CCDC82: variants seen among roughly 807,000 people sequenced by gnomAD.
CCDC82 encodes the protein coiled-coil domain containing 82, also known as coiled-coil domain-containing protein 82.
CCDC82 carries 47 observed loss-of-function variants against 60.6 expected under a neutral mutation model. The ratio of observed to expected loss-of-function variants is 0.77; its 90% CI spans 0.61 to 0.99. The LOEUF (loss-of-function observed/expected upper bound fraction) is 0.99, where lower values mean the gene tolerates loss of function less well. CCDC82 is among the 50% of genes least tolerant of loss of function. The pLI is 0.00. For synonymous variants in CCDC82, 212 were observed against 207.4 expected (o/e 1.02, Z -0.19); for missense variants, 588 against 633.0 (o/e 0.93, Z 0.76).
chr11:96,370,731 TAAC>T (rs998804135), intron 7 of CCDC82, among the ~76,000 whole-genome samples: 3 of 152,300 alleles, frequency 2.0e-5, no homozygotes, highest in Admixed American at 2.0e-4. Flanking sequence ...TTTTCTGACA[TAAC>T]AACACCGTGT....
intron 6 of CCDC82, among the ~76,000 whole-genome samples, chr11:96,372,391 T>C (rs1370263212): frequency 1.3e-5 from 2 of 151,964 alleles, no homozygotes; most frequent in Non-Finnish European, 2.9e-5. Context: ...TACTCATTTA[T>C]TGTCTGTCTC....
chr11:96,364,919 G>C (rs1378530416), intron 8 of CCDC82, 61 bp downstream of exon 8: 22 of 1,459,082 alleles, frequency 1.5e-5, no homozygotes, highest in Non-Finnish European at 2.0e-5. Flanking sequence ...GGATACTTAG[G>C]ATTATTTATG....
intron 7 of CCDC82, among the ~76,000 whole-genome samples, chr11:96,367,325 T>C (rs1286883030): frequency 6.6e-6 from 1 of 152,262 alleles, no homozygotes; most frequent in African/African-American, 2.4e-5. Flanking sequence ...ATAGAACTTA[T>C]TTCAAAATTG....
chr11:96,375,280 TAG>T (rs1276795205), intron 5 of CCDC82, among the ~76,000 whole-genome samples: 2 of 152,194 alleles, frequency 1.3e-5, no homozygotes, highest in African/African-American at 4.8e-5. Flanking sequence ...TCATTTGCTA[TAG>T]AGTCTTGAGA....
intron 1 of CCDC82, 139 bp downstream of exon 1, chr11:96,389,705 C>G (rs1227815382): frequency 1.3e-5 from 2 of 152,418 alleles, no homozygotes; most frequent in African/African-American, 2.4e-5. Context: ...TCCGGCCCAC[C>G]CAAAGAGCGC....
At chr11:96,358,115 AT>A (rs1405981749) in intron 9 of CCDC82, 1 of 985,520 alleles carries the variant, frequency 1.0e-6, no homozygotes, top group Non-Finnish European at 1.2e-6. Flanking sequence ...TATTTTTTAT[AT>A]TCCTCTTTTA....
At chr11:96,385,273 T>A (rs773758975) in intron 3 of CCDC82, 1 of 152,494 alleles carries the variant, frequency 6.6e-6, no homozygotes, top group Non-Finnish European at 1.5e-5. Flanking sequence ...GCAAGTAATA[T>A]GGTAAGGGCA....
chr11:96,382,368 T>C lies in CCDC82; in HGVS notation c.991+901A>G, dbSNP rs142989424. On this transcript the variant is annotated intron_variant, in intron 5 of 9. Coordinates refer to ENST00000646818, the MANE Select transcript of CCDC82 (RefSeq NM_024725.4). ...AGCAGAAATTAGAATTTTGAAAAACTTGTATGTGCTATTCTGAGCCTGACG... is the reference window on the plus strand; with the variant it reads ...AGCAGAAATTAGAATTTTGAAAAACCTGTATGTGCTATTCTGAGCCTGACG... 372 of 151,926 alleles carry C rather than the reference T, an allele frequency of 2.4e-3. 1 individual carries two copies. Among genetic ancestry groups the C allele is most frequent in the African/African-American group, 8.5e-3 (353 of 41,524 alleles). The allele number at this position is 151,926 out of a possible 1,614,324, so 9.4% of individuals were successfully genotyped here.
intron 7 of CCDC82, among the ~76,000 whole-genome samples, chr11:96,368,565 T>C (rs1488122823): frequency 1.3e-5 from 2 of 152,102 alleles, no homozygotes; most frequent in Non-Finnish European, 2.9e-5. Context: ...TCTTTTTAGC[T>C]ATAAAAGTCC....
intron 9 of CCDC82, chr11:96,355,132 C>T (rs1864280122): frequency 6.6e-6 from 1 of 152,090 alleles, no homozygotes; most frequent in Non-Finnish European, 1.5e-5. Context: ...GGATTAGAAA[C>T]CTATACTTTA....
intron 7 of CCDC82, among the ~76,000 whole-genome samples, chr11:96,368,676 A>C (rs7931051): frequency 0.71 from 107,453 of 151,866 alleles, 38,262 homozygotes; most frequent in African/African-American, 0.8. Flanking sequence ...ACCATCCTGG[A>C]TAAGATGGCG....
chr11:96,358,276 T>C, intron 9 of CCDC82: 7 of 1,113,404 alleles, frequency 6.3e-6, no homozygotes, highest in Non-Finnish European at 6.6e-6. Context: ...TTTAGAAGAC[T>C]GCAGTCGTAT....
At chr11:96,366,445 A>C (rs1311932436) in intron 7 of CCDC82, among the ~76,000 whole-genome samples, 1 of 152,226 alleles carries the variant, frequency 6.6e-6, no homozygotes, top group Non-Finnish European at 1.5e-5. Context: ...ATCACCCACC[A>C]CAATATGGTA....
intron 6 of CCDC82, among the ~76,000 whole-genome samples, chr11:96,372,844 G>A (rs1432072037): frequency 6.6e-6 from 1 of 150,946 alleles, no homozygotes; most frequent in African/African-American, 2.4e-5. Context: ...GCATATAAAT[G>A]AGTACTATGA....
At chr11:96,357,858 G>C (rs760735970) in intron 9 of CCDC82, 37 of 985,252 alleles carry the variant, frequency 3.8e-5, no homozygotes, top group Non-Finnish European at 4.2e-5. Flanking sequence ...GAAGCATTTG[G>C]AGTAGGAGAA....
intron 1 of CCDC82, chr11:96,389,429 A>T (rs980031061): frequency 1.3e-5 from 2 of 152,186 alleles, no homozygotes; most frequent in African/African-American, 2.4e-5. Context: ...TGCCTCCAGG[A>T]GGGAGGGGCA....
At chr11:96,370,010 G>A (rs1225563750) in intron 7 of CCDC82, among the ~76,000 whole-genome samples, 1 of 152,146 alleles carries the variant, frequency 6.6e-6, no homozygotes, top group Non-Finnish European at 1.5e-5. Flanking sequence ...GGTTCAGAGA[G>A]GTTAAATTTA....
intron 7 of CCDC82, among the ~76,000 whole-genome samples, chr11:96,365,518 T>C (rs560107362): frequency 1.3e-5 from 2 of 152,260 alleles, no homozygotes; most frequent in Middle Eastern, 3.4e-3. Flanking sequence ...TAATTCCAAG[T>C]AGGCTAGTTA....
intron 9 of CCDC82, 149 bp downstream of exon 9, chr11:96,358,844 G>A: frequency 1.2e-6 from 1 of 825,528 alleles, no homozygotes; most frequent in Non-Finnish European, 1.8e-6. Flanking sequence ...TGATAAGCAT[G>A]AAAGGAATGA....
Sources: allele counts gnomAD v4.1 joint callset (sites outside exome capture counted in the v4.1 genomes callset), GRCh38; gene constraint gnomAD v4.1.1; transcripts MANE v1.5; gene names NCBI Gene and HGNC (gene_info 2026-07-23, HGNC 2026-07-21).